The following ERBB4 variants were observed in gnomAD, a reference collection of about 807,000 sequenced individuals.
The protein encoded by ERBB4 is receptor tyrosine-protein kinase erbB-4.
Under a neutral mutation model 158.0 loss-of-function variants are expected in ERBB4, and 42 were observed. The observed-to-expected ratio is 0.27, with a 90% confidence interval of 0.21 to 0.34. ERBB4 has a LOEUF of 0.34. Ranked by LOEUF, ERBB4 falls within the 10% of genes least tolerant of loss-of-function variation. The pLI, the probability that ERBB4 is intolerant of heterozygous loss-of-function variation, is 1.00. For synonymous variants in ERBB4, 583 were observed against 558.7 expected (o/e 1.04, Z -0.61); for missense variants, 1,333 against 1,624.1 (o/e 0.82, Z 3.08).
intron 1 of ERBB4, among the ~76,000 whole-genome samples, chr2:212,184,066 TC>T (rs1397725638): frequency 2.6e-5 from 4 of 152,148 alleles, no homozygotes; most frequent in African/African-American, 9.7e-5. Context: ...ACTGCTTTTC[TC>T]CTGCCTTAGG....
At chr2:211,568,490 A>G (rs764465894) in intron 19 of ERBB4, among the ~76,000 whole-genome samples, 1 of 152,148 alleles carries the variant, frequency 6.6e-6, no homozygotes, top group Non-Finnish European at 1.5e-5. Flanking sequence ...TTTTCATATT[A>G]TTTAGCGGTT....
intron 1 of ERBB4, among the ~76,000 whole-genome samples, chr2:212,256,441 A>C (rs2084742454): frequency 6.6e-6 from 1 of 152,200 alleles, no homozygotes; most frequent in Admixed American, 6.6e-5. Context: ...TGAATTTGAT[A>C]GTCAGAAACA....
At position 212,518,541 on chromosome 2, in the gene ERBB4, TG is replaced by T. The variant is rs1438308153; in HGVS notation, c.82+19907del. Reference sequence around the variant, plus strand: ...GCAAAAGGTACTAACAGAATTGCCATGATGCATGAAACCACTAAGAATCAAA... The same window carrying T: ...GCAAAAGGTACTAACAGAATTGCCATATGCATGAAACCACTAAGAATCAAA... On this transcript the variant is annotated intron_variant, in intron 1 of 27. Transcript: ENST00000342788. 9.9e-5 allele frequency among the ~76,000 whole-genome samples: 15 copies of T among 152,108 alleles called. No homozygotes were observed. The East Asian group carries it at 2.9e-3, about 29-fold the overall frequency.
At chr2:212,440,883 T>C (rs916001704) in intron 1 of ERBB4, among the ~76,000 whole-genome samples, 3 of 152,124 alleles carry the variant, frequency 2.0e-5, no homozygotes. Context: ...GACAAAGTGA[T>C]GAAAGAAAAT....
At chr2:211,946,574 C>CTTTTT (rs1210208782) in intron 3 of ERBB4, among the ~76,000 whole-genome samples, 1 of 67,452 alleles carries the variant, frequency 1.5e-5, no homozygotes, top group Non-Finnish European at 2.7e-5. Context: ...CTAATTAGCT[C>CTTTTT]TCTTTTTTTT....
intron 1 of ERBB4, among the ~76,000 whole-genome samples, chr2:212,480,171 A>G (rs1469717642): frequency 5.3e-5 from 8 of 152,302 alleles, no homozygotes. Flanking sequence ...TTTATAAAAA[A>G]TATTTTATCT....
At chr2:212,072,170 G>C (rs2078140675) in intron 2 of ERBB4, among the ~76,000 whole-genome samples, 1 of 151,972 alleles carries the variant, frequency 6.6e-6, no homozygotes, top group Admixed American at 6.6e-5. Context: ...GTTGAGTACA[G>C]AAGTTACAAC....
At chr2:211,984,136 A>C (rs1360330811) in intron 2 of ERBB4, among the ~76,000 whole-genome samples, 1 of 152,130 alleles carries the variant, frequency 6.6e-6, no homozygotes, top group African/African-American at 2.4e-5. Context: ...TTCTTCATCA[A>C]AGATGGTACG....
At chr2:212,369,110 A>AT (rs1460149067) in intron 1 of ERBB4, among the ~76,000 whole-genome samples, 3 of 152,160 alleles carry the variant, frequency 2.0e-5, no homozygotes, top group African/African-American at 4.8e-5. Flanking sequence ...GGTCTATTAC[A>AT]TTTTTTGTTT....
chr2:211,623,006 T>TAC (rs2069682996), intron 18 of ERBB4, among the ~76,000 whole-genome samples: 2 of 25,690 alleles, frequency 7.8e-5, no homozygotes, highest in African/African-American at 6.0e-4. Flanking sequence ...TATATATATA[T>TAC]ATATATATAT....
In ERBB4 at chr2:212,044,900, G is replaced by A. The variant is rs139183589; in HGVS notation, c.234+79852C>T. ...CCAATTGTTATGTGTTGTTTTTGAT[G>A]GGATAGATACGATTTCAGTATCATC... On this transcript the variant is annotated intron_variant, in intron 2 of 27. Coordinates refer to ENST00000342788, the MANE Select transcript of ERBB4 (RefSeq NM_005235.3). Among the ~76,000 whole-genome samples, 153 of 151,392 alleles carry A rather than the reference G, an allele frequency of 1.0e-3. 1 individual carries two copies. The highest frequency in any genetic ancestry group is 3.3e-3 in the African/African-American group (136 of 41,188).
chr2:211,923,356 A>T (rs1224779697), intron 3 of ERBB4, among the ~76,000 whole-genome samples: 5 of 152,310 alleles, frequency 3.3e-5, no homozygotes, highest in Non-Finnish European at 7.3e-5. Flanking sequence ...GATATTTTTT[A>T]AAAAAGAGTT....
At position 211,524,660 on chromosome 2, in the gene ERBB4, G is replaced by A. The variant is rs919688627; in HGVS notation, c.2487+37243C>T. Among the ~76,000 whole-genome samples, 20 of 147,820 alleles carry A rather than the reference G, an allele frequency of 1.4e-4. 1 individual carries two copies. Among genetic ancestry groups the A allele is most frequent in the East Asian group, 3.9e-4 (2 of 5,080 alleles). ...ATTGCCCGGGGCCGGCAGGGCCGCCGGCTGCTCCGAGTGCGGGGCCGCCAA... is the reference window on the plus strand; with the variant it reads ...ATTGCCCGGGGCCGGCAGGGCCGCCAGCTGCTCCGAGTGCGGGGCCGCCAA... On this transcript the variant is annotated intron_variant, in intron 20 of 27. Transcript: ENST00000342788.
At chr2:212,114,675 G>A (rs571829294) in intron 2 of ERBB4, among the ~76,000 whole-genome samples, 2 of 152,028 alleles carry the variant, frequency 1.3e-5, no homozygotes, top group African/African-American at 4.8e-5. Flanking sequence ...CATTGCTTCT[G>A]CGAAATGATG....
intron 20 of ERBB4, among the ~76,000 whole-genome samples, chr2:211,544,421 G>C (rs72941341): frequency 0.19 from 29,253 of 151,904 alleles, 3,221 homozygotes; most frequent in Non-Finnish European, 0.24. Context: ...TGCCCCACTC[G>C]TAGAGTTATA....
At chr2:212,346,079 G>T (rs191021741) in intron 1 of ERBB4, among the ~76,000 whole-genome samples, 1 of 152,172 alleles carries the variant, frequency 6.6e-6, no homozygotes, top group East Asian at 1.9e-4. Context: ...AATATTAATT[G>T]TCTAGACAGT....
chr2:212,262,745 C>T (rs2084992352), intron 1 of ERBB4, among the ~76,000 whole-genome samples: 1 of 152,030 alleles, frequency 6.6e-6, no homozygotes, highest in Non-Finnish European at 1.5e-5. Flanking sequence ...TCCATGGGCT[C>T]ATATATTTTA....
intron 1 of ERBB4, among the ~76,000 whole-genome samples, chr2:212,395,160 G>A (rs2090988672): frequency 6.6e-6 from 1 of 152,060 alleles, no homozygotes; most frequent in Admixed American, 6.6e-5. Flanking sequence ...GCAGTATAGA[G>A]TAGGATTCTT....
chr2:211,810,255 C>T (rs2076718266), intron 3 of ERBB4, among the ~76,000 whole-genome samples: 1 of 152,184 alleles, frequency 6.6e-6, no homozygotes, highest in South Asian at 2.1e-4. Flanking sequence ...TGTTAACCTT[C>T]TGTCTTGTTG....
Sources: gnomAD v4.1 joint callset for allele counts (sites outside exome capture counted in the v4.1 genomes callset) on GRCh38, gnomAD v4.1.1 for gene constraint, MANE v1.5 for transcripts, NCBI Gene and HGNC (gene_info 2026-07-23, HGNC 2026-07-21) for gene names.